IKZF4: variants seen among roughly 807,000 people sequenced by gnomAD.
IKZF4 encodes the protein IKAROS family zinc finger 4, also known as zinc finger protein Eos.
Under a neutral mutation model 47.7 loss-of-function variants are expected in IKZF4, and 11 were observed. The ratio of observed to expected loss-of-function variants is 0.23; its 90% CI spans 0.15 to 0.38. IKZF4 has a LOEUF of 0.38. Ranked by LOEUF, IKZF4 falls within the 10% of genes least tolerant of loss-of-function variation. The probability of loss-of-function intolerance (pLI) is 1.00; values close to 1 mark genes in which losing one functional copy is unlikely to be tolerated. For missense variants in IKZF4, 557 were observed against 784.9 expected (o/e 0.71, Z 3.47); for synonymous variants, 298 against 299.4 (o/e 1.00, Z 0.05).
Position 56,034,846 on chromosome 12 carries a change from C to T in IKZF4, c.1273C>T (p.Pro425Ser), listed in dbSNP as rs577915827. The T allele has an allele frequency of 6.2e-7, 1 of 1,613,440 alleles. No individual in the cohort carries two copies. The highest frequency in any genetic ancestry group is 8.5e-7 in the Non-Finnish European group (1 of 1,179,638). The change falls in exon 8 of 8, where the codon CCT becomes TCT. Residue 425 changes from proline (P) to serine (S), a missense_variant. Physicochemically the swap from Pro to Ser is moderately conservative, Grantham distance 74. This residue lies in a region of IKZF4 where 280 missense variants were observed against 314.0 expected (regional missense o/e 0.89). Transcript: ENST00000547167. ...LPGSREAGEGPEDLADGGPLL... is the reference protein window; with the variant it reads ...LPGSREAGEGSEDLADGGPLL... The stretch of plus-strand genomic sequence containing the variant: ...AGGATCCCGAGAAGCAGGTGAGGGA[C>T]CTGAGGACCTGGCTGATGGAGGTCC...
chr12:56,012,982 G>A (rs574863858), intron 2 of IKZF4, among the ~76,000 whole-genome samples: 1 of 152,246 alleles, frequency 6.6e-6, no homozygotes, highest in South Asian at 2.1e-4. Flanking sequence ...ACAACATAGT[G>A]AGATCTCATC....
At chr12:56,015,101 A>T (rs539284342) in intron 2 of IKZF4, among the ~76,000 whole-genome samples, 24 of 152,130 alleles carry the variant, frequency 1.6e-4, no homozygotes, top group Non-Finnish European at 2.5e-4. Context: ...TTTGAGACAG[A>T]GTCTTGCTCT....
chr12:56,035,018 C>T lies in IKZF4; in HGVS notation c.1445C>T (p.Pro482Leu). ...CCTCAGGGTCCCCCACCCCAGCCAC[C>T]TCCCACCATTGTGGTGGGCCGGCAC... is the stretch of plus-strand genomic sequence containing the variant. Reference protein sequence around the residue: ...SLPQGPPPQPPPTIVVGRHSP... With the variant: ...SLPQGPPPQPLPTIVVGRHSP... Residue 482 changes from proline (P) to leucine (L), a missense_variant, in exon 8 of 8, where the codon CCT (proline) becomes CTT (leucine). Pro to Leu is a moderately conservative substitution (Grantham distance 98, BLOSUM62 -3). Transcript: ENST00000547167. The surrounding 1 kb of genome is among the most constrained non-coding windows in gnomAD (Gnocchi z 6.1). 2 of 1,557,274 alleles carry T rather than the reference C, an allele frequency of 1.3e-6. No individual in the cohort carries two copies. The highest frequency in any genetic ancestry group is 1.7e-6 in the Non-Finnish European group (2 of 1,150,106).
chr12:56,024,075 A>AT (rs1420479734), intron 2 of IKZF4: 3 of 369,238 alleles, frequency 8.1e-6, no homozygotes, highest in African/African-American at 2.2e-5. Context: ...GGGAGGAGGG[A>AT]TTTTTTTAAA....
In IKZF4 at chr12:56,025,296, A is replaced by G. The variant is rs543143168; in HGVS notation, c.286+138A>G. The G allele has an allele frequency of 4.1e-6, 4 of 979,718 alleles. No homozygotes were observed. In the East Asian group the frequency reaches 1.1e-4, roughly 26 times the overall value. 60.7% of individuals were successfully genotyped at this position (979,718 alleles called of 1,614,324 possible). A position where few individuals can be genotyped will look rare whatever the true frequency, so the allele number is the denominator to read the frequency against. ...TGCTTAGTCTCTAAGAGCAATGAGG[A>G]GCCCAGTGTCTAGGGTTTTTCTGGC... is the stretch of plus-strand genomic sequence containing the variant. On this transcript the variant is annotated intron_variant, in intron 3 of 7. Transcript: ENST00000547167.
chr12:56,023,543 TATAG>T (rs1893433575), intron 1 of IKZF4, 124 bp from the exon 2 acceptor site: 1 of 1,141,896 alleles, frequency 8.8e-7, no homozygotes, highest in South Asian at 1.7e-5. Flanking sequence ...AGGCTTTTTC[TATAG>T]ATAGTGAACA....
chr12:56,019,948 C>T (rs1029707433), upstream of IKZF4, among the ~76,000 whole-genome samples: 2 of 152,232 alleles, frequency 1.3e-5, no homozygotes, highest in Non-Finnish European at 2.9e-5. Context: ...TCAGCAGCTA[C>T]CTTAGAAAGG....
chr12:56,032,630 C>T lies in IKZF4; in HGVS notation c.785C>T (p.Thr262Ile). The change falls in exon 6 of 8, where the codon ACC becomes ATC. Residue 262 changes from threonine to isoleucine, a missense_variant. Coordinates refer to ENST00000547167, the MANE Select transcript of IKZF4 (RefSeq NM_022465.4). ...YCGRSYKQQSTLEEHKERCHN... is the reference protein window; with the variant it reads ...YCGRSYKQQSILEEHKERCHN... ...GGCCGGAGCTACAAACAGCAGAGTA[C>T]CCTGGAGGAGCACAAGGAGCGGTGC... 1 of 1,614,030 alleles carries T rather than the reference C, an allele frequency of 6.2e-7. No individual in the cohort carries two copies. The highest frequency in any genetic ancestry group is 8.5e-7 in the Non-Finnish European group (1 of 1,179,894).
intron 7 of IKZF4, among the ~76,000 whole-genome samples, chr12:56,033,746 G>C (rs566927261): frequency 3.7e-4 from 57 of 152,162 alleles, no homozygotes; most frequent in African/African-American, 1.3e-3. Context: ...AAGAAAGCAG[G>C]CTGGTGGCCT....
Position 56,035,185 on chromosome 12 carries a change from C to G in IKZF4, c.1612C>G (p.Leu538Val). Residue 538 changes from leucine to valine, a missense_variant, in exon 8 of 8, where the codon CTC becomes GTC. Coordinates refer to ENST00000547167, the MANE Select transcript of IKZF4 (RefSeq NM_022465.4). The surrounding 1 kb of genome is among the most constrained non-coding windows in gnomAD (Gnocchi z 6.1). Reference protein sequence around the residue: ...KAFKCEHCRILFLDHVMFTIH... With the variant: ...KAFKCEHCRIVFLDHVMFTIH... ...CTTCAAGTGTGAGCACTGCCGTATCCTCTTCCTGGACCACGTCATGTTCAC... is the reference window on the plus strand; with the variant it reads ...CTTCAAGTGTGAGCACTGCCGTATCGTCTTCCTGGACCACGTCATGTTCAC... 6.2e-7 allele frequency: 1 copy of G among 1,614,210 alleles called. No individual in the cohort carries two copies. The highest frequency in any genetic ancestry group is 8.5e-7 in the Non-Finnish European group (1 of 1,180,034).
In IKZF4 at chr12:56,026,917, G is replaced by C. The variant is rs1894115605; in HGVS notation, c.423G>C (p.Gly141=). 6.2e-7 allele frequency: 1 copy of C among 1,613,150 alleles called. No individual in the cohort carries two copies. The highest frequency in any genetic ancestry group is 8.5e-7 in the Non-Finnish European group (1 of 1,179,538). The change falls in exon 4 of 8, where the codon GGG becomes GGC. Residue 141 remains glycine (G), a synonymous_variant. Transcript: ENST00000547167. ...SLSEPLGYCD[G]SGPEPHSPGG... ...CTGAGCCCCTGGGCTACTGTGATGGGAGTGGGCCAGAGCCTCACTCCCCTG... is the reference window on the plus strand; with the variant it reads ...CTGAGCCCCTGGGCTACTGTGATGGCAGTGGGCCAGAGCCTCACTCCCCTG...
chr12:56,009,688 T>C (rs1565806031), intron 1 of IKZF4, among the ~76,000 whole-genome samples: 1 of 152,244 alleles, frequency 6.6e-6, no homozygotes, highest in Non-Finnish European at 1.5e-5. Flanking sequence ...TTCAGAATTA[T>C]ACCTTGCCCT....
In IKZF4 at chr12:56,034,752, A is replaced by G. The variant is rs1302327805; in HGVS notation, c.1179A>G (p.Ser393=). ...PLRLPPTNCI[S]ELTPVISSVY... ...GCCTTCCACCCACCAATTGCATCTC[A>G]GAACTCACGCCTGTCATCAGCTCTG... Residue 393 remains serine, a synonymous_variant, in exon 8 of 8, where the codon TCA becomes TCG. Transcript: ENST00000547167. The G allele has an allele frequency of 1.2e-6, 2 of 1,613,884 alleles. No homozygotes were observed. Among genetic ancestry groups the G allele is most frequent in the Non-Finnish European group, 1.7e-6 (2 of 1,179,756 alleles).
intron 1 of IKZF4, among the ~76,000 whole-genome samples, chr12:56,009,882 A>G (rs2136531336): frequency 6.6e-6 from 1 of 152,292 alleles, no homozygotes; most frequent in South Asian, 2.1e-4. Flanking sequence ...AATGCAACTG[A>G]AAGTCTCTTT....
intron 1 of IKZF4, 95 bp from the exon 2 acceptor site, chr12:56,023,576 C>T (rs906814729): frequency 8.6e-5 from 120 of 1,398,624 alleles, no homozygotes; most frequent in Middle Eastern, 1.8e-4. Flanking sequence ...CAGGCTTTGA[C>T]GGGATAGAAT....
Position 56,037,317 on chromosome 12 carries a change from G to A in IKZF4, c.*1986G>A, listed in dbSNP as rs895296117. On this transcript the variant is annotated 3_prime_UTR_variant, in exon 8 of 8. Transcript: ENST00000547167. ...TAGCAATAAATAGATGCTGCCAAGG[G>A]CAGAAAATGGGGAGGTTAGCTCAGA... 6.6e-6 allele frequency: 1 copy of A among 152,660 alleles called. No homozygotes were observed. Among genetic ancestry groups the A allele is most frequent in the African/African-American group, 2.4e-5 (1 of 41,454 alleles). 9.5% of individuals were successfully genotyped at this position (152,660 alleles called of 1,614,324 possible).
chr12:56,020,240 T>A (rs1318062579), upstream of IKZF4, among the ~76,000 whole-genome samples: 1 of 152,260 alleles, frequency 6.6e-6, no homozygotes, highest in Non-Finnish European at 1.5e-5. Flanking sequence ...CAGAATGTGA[T>A]TCAGAAAATC....
At chr12:56,030,753 T>C (rs1262944532) in intron 5 of IKZF4, among the ~76,000 whole-genome samples, 2 of 142,832 alleles carry the variant, frequency 1.4e-5, no homozygotes, top group Admixed American at 6.9e-5. Flanking sequence ...AAGTAGAGAG[T>C]AGAACAGTGG....
chr12:56,034,691 T>C lies in IKZF4; in HGVS notation c.1118T>C (p.Leu373Pro), dbSNP rs2136724056. The C allele has an allele frequency of 6.2e-7, 1 of 1,614,070 alleles. No homozygotes were observed. The highest frequency in any genetic ancestry group is 1.6e-4 in the Middle Eastern group (1 of 6,062). The change falls in exon 8 of 8, where the codon CTG becomes CCG. Residue 373 changes from leucine (L) to proline (P), a missense_variant. By Grantham distance (98) the Leu-to-Pro change is moderately conservative (BLOSUM62 -3). Coordinates refer to ENST00000547167, the MANE Select transcript of IKZF4 (RefSeq NM_022465.4). ...HSLEPGFGSSLAFVGAEHLRP... is the reference protein window; with the variant it reads ...HSLEPGFGSSPAFVGAEHLRP... Reference sequence around the variant, plus strand: ...CTAGAGCCTGGCTTTGGAAGTTCCCTGGCCTTTGTGGGTGCAGAGCATCTG... The same window carrying C: ...CTAGAGCCTGGCTTTGGAAGTTCCCCGGCCTTTGTGGGTGCAGAGCATCTG...
Sources: allele counts gnomAD v4.1 joint callset (sites outside exome capture counted in the v4.1 genomes callset), GRCh38; gene constraint gnomAD v4.1.1; regional missense constraint gnomAD v4.1.1; non-coding constraint Gnocchi (gnomAD v3.1); transcripts MANE v1.5; gene names NCBI Gene and HGNC (gene_info 2026-07-23, HGNC 2026-07-21).